The following PPFIA2 variants were observed in gnomAD, a reference collection of about 807,000 sequenced individuals.
PPFIA2 encodes liprin-alpha-2.
Under a neutral mutation model 175.5 loss-of-function variants are expected in PPFIA2, and 46 were observed. The observed-to-expected ratio is 0.26, with a 90% CI of 0.21 to 0.34. The LOEUF (loss-of-function observed/expected upper bound fraction) is 0.34. Ranked by LOEUF, PPFIA2 falls within the 10% of genes least tolerant of loss-of-function variation. PPFIA2 has a pLI of 1.00. For synonymous variants in PPFIA2, 568 were observed against 511.4 expected, an observed-to-expected ratio of 1.11 and a Z score of -1.49; for missense variants, 1,179 against 1,506.1, an observed-to-expected ratio of 0.78 and a Z score of 3.60.
chr12:81,437,595 C>T (rs1386725551), intron 7 of PPFIA2, among the ~76,000 whole-genome samples: 3 of 152,094 alleles, frequency 2.0e-5, no homozygotes, highest in African/African-American at 7.2e-5. Flanking sequence ...TTGTTTATGA[C>T]AAACAGAAAT....
chr12:81,696,837 C>A (rs2066955), intron 3 of PPFIA2, among the ~76,000 whole-genome samples: 30,832 of 151,700 alleles, frequency 0.2, 3,869 homozygotes, highest in East Asian at 0.32. Flanking sequence ...TCCAATTAGT[C>A]TTGACCTATA....
At chr12:81,566,180 A>T (rs931664430) in intron 4 of PPFIA2, among the ~76,000 whole-genome samples, 1 of 152,120 alleles carries the variant, frequency 6.6e-6, no homozygotes, top group Non-Finnish European at 1.5e-5. Flanking sequence ...AGGCAAGAGG[A>T]CCCAGTAAAT....
chr12:81,357,960 C>A, intron 16 of PPFIA2, 122 bp downstream of exon 16: 1 of 1,035,430 alleles, frequency 9.7e-7, no homozygotes, highest in Non-Finnish European at 1.3e-6. Flanking sequence ...AAATGTCATA[C>A]TCTGTGTTTC....
At chr12:81,471,540 A>G (rs1014038361) in intron 4 of PPFIA2, among the ~76,000 whole-genome samples, 1 of 150,116 alleles carries the variant, frequency 6.7e-6, no homozygotes, top group African/African-American at 2.5e-5. Context: ...TTATCCATTC[A>G]TCTATTGATG....
chr12:81,281,666 C>A (rs1418630291), intron 26 of PPFIA2, among the ~76,000 whole-genome samples: 1 of 152,000 alleles, frequency 6.6e-6, no homozygotes, highest in Non-Finnish European at 1.5e-5. Flanking sequence ...TGGCTATTTA[C>A]TTTGTATTCT....
intron 4 of PPFIA2, among the ~76,000 whole-genome samples, chr12:81,500,968 T>C (rs1312869652): frequency 1.3e-5 from 2 of 152,060 alleles, no homozygotes; most frequent in African/African-American, 4.8e-5. Context: ...CCAAAAATAG[T>C]AGTTGCCCTA....
intron 13 of PPFIA2, among the ~76,000 whole-genome samples, chr12:81,367,586 T>C (rs2033870716): frequency 6.6e-6 from 1 of 151,586 alleles, no homozygotes; most frequent in Admixed American, 6.6e-5. Context: ...AATCATGAAA[T>C]CATATTTTTT....
chr12:81,366,146 T>C (rs564516427), intron 14 of PPFIA2, among the ~76,000 whole-genome samples: 13 of 150,480 alleles, frequency 8.6e-5, no homozygotes, highest in African/African-American at 3.2e-4. Context: ...ATTTCTTCTA[T>C]CTTTTCTCAA....
intron 4 of PPFIA2, among the ~76,000 whole-genome samples, chr12:81,605,693 A>ATCTC (rs55909659): frequency 0.073 from 10,694 of 145,610 alleles, 508 homozygotes; most frequent in South Asian, 0.12. Flanking sequence ...CTATCTATCT[A>ATCTC]ATCTGTCTAT....
chr12:81,427,350 A>G (rs886551731), intron 7 of PPFIA2, among the ~76,000 whole-genome samples: 4 of 152,102 alleles, frequency 2.6e-5, no homozygotes, highest in Non-Finnish European at 5.9e-5. Context: ...AACTTTCAAA[A>G]TGCTAGTAAT....
intron 3 of PPFIA2, among the ~76,000 whole-genome samples, chr12:81,741,790 A>G (rs902027073): frequency 6.6e-6 from 1 of 152,204 alleles, no homozygotes; most frequent in Non-Finnish European, 1.5e-5. Flanking sequence ...GGAGGAAGAA[A>G]GAGAAAAGTA....
At chr12:81,581,516 T>A (rs1359236768) in intron 4 of PPFIA2, among the ~76,000 whole-genome samples, 1 of 151,720 alleles carries the variant, frequency 6.6e-6, no homozygotes, top group Non-Finnish European at 1.5e-5. Context: ...AACTGCACAC[T>A]CTAACACTCC....
At chr12:81,294,612 C>A in intron 24 of PPFIA2, 1 of 551,760 alleles carries the variant, frequency 1.8e-6, no homozygotes. Context: ...CAGATGCTAG[C>A]TCAAAAGTCT....
intron 8 of PPFIA2, among the ~76,000 whole-genome samples, chr12:81,389,344 T>A (rs1028107805): frequency 5.3e-5 from 8 of 151,794 alleles, no homozygotes; most frequent in African/African-American, 2.4e-5. Context: ...TACTTTTAAA[T>A]GGGCTCAAGG....
intron 4 of PPFIA2, among the ~76,000 whole-genome samples, chr12:81,635,154 TC>T (rs2063839906): frequency 6.6e-6 from 1 of 152,194 alleles, no homozygotes; most frequent in Admixed American, 6.5e-5. Context: ...CCTTCTAGAA[TC>T]TCTACTGCTT....
At chr12:81,435,217 T>C (rs1205082667) in intron 7 of PPFIA2, among the ~76,000 whole-genome samples, 1 of 152,198 alleles carries the variant, frequency 6.6e-6, no homozygotes, top group Admixed American at 6.5e-5. Flanking sequence ...GTACTCCTTG[T>C]AGGTGGCTAT....
chr12:81,642,428 A>G (rs2065094424), intron 4 of PPFIA2, among the ~76,000 whole-genome samples: 1 of 151,272 alleles, frequency 6.6e-6, no homozygotes, highest in Non-Finnish European at 1.5e-5. Flanking sequence ...ATTTTCTTGG[A>G]ATGTTAATAA....
intron 17 of PPFIA2, chr12:81,350,435 C>T (rs538902739): frequency 6.6e-6 from 1 of 152,072 alleles, no homozygotes; most frequent in South Asian, 2.1e-4. Context: ...GACAGTACTA[C>T]GTTCCTTGAA....
intron 3 of PPFIA2, among the ~76,000 whole-genome samples, chr12:81,692,145 G>T (rs1250697659): frequency 1.5e-5 from 2 of 133,942 alleles, no homozygotes; most frequent in South Asian, 2.4e-4. Flanking sequence ...AAACCTGTCT[G>T]GGGGAAGTTG....
Sources: allele counts gnomAD v4.1 joint callset (sites outside exome capture counted in the v4.1 genomes callset), GRCh38; gene constraint gnomAD v4.1.1; transcripts MANE v1.5; gene names NCBI Gene and HGNC (gene_info 2026-07-23, HGNC 2026-07-21).